Variants in TRIM24 observed in about 807,000 individuals in gnomAD.
TRIM24 encodes tripartite motif containing 24, also known as transcription intermediary factor 1-alpha.
TRIM24 carries 29 observed loss-of-function variants against 123.9 expected under a neutral mutation model. The ratio of observed to expected loss-of-function variants is 0.23; its 90% CI spans 0.17 to 0.32. The LOEUF (loss-of-function observed/expected upper bound fraction) is 0.32. Ranked by LOEUF, TRIM24 falls within the 10% of genes least tolerant of loss-of-function variation. The pLI, the probability that TRIM24 is intolerant of heterozygous loss-of-function variation, is 1.00. For missense variants in TRIM24, 932 were observed against 1,295.3 expected (o/e 0.72, Z 4.31); for synonymous variants, 456 against 461.1 (o/e 0.99, Z 0.14).
intron 8 of TRIM24, among the ~76,000 whole-genome samples, chr7:138,552,423 A>G (rs1356505294): frequency 6.6e-6 from 1 of 152,192 alleles, no homozygotes; most frequent in Non-Finnish European, 1.5e-5. Flanking sequence ...TCTTTATTGT[A>G]CTATTTGCTG....
intron 7 of TRIM24, among the ~76,000 whole-genome samples, chr7:138,544,194 C>G (rs1156939444): frequency 6.6e-6 from 1 of 152,204 alleles, no homozygotes; most frequent in African/African-American, 2.4e-5. Context: ...TCCTACCCAC[C>G]TAGCCCCTAG....
chr7:138,525,438 G>C, intron 5 of TRIM24, 81 bp downstream of exon 5: 1 of 715,992 alleles, frequency 1.4e-6, no homozygotes, highest in East Asian at 3.3e-5. Context: ...TTAAGTCACA[G>C]TTAAGTAATA....
chr7:138,479,966 G>A (rs1795490446), intron 1 of TRIM24, among the ~76,000 whole-genome samples: 1 of 151,782 alleles, frequency 6.6e-6, no homozygotes, highest in African/African-American at 2.4e-5. Context: ...TTACAGACAT[G>A]CGCCAACACC....
At chr7:138,529,425 T>A (rs150460264) in intron 6 of TRIM24, among the ~76,000 whole-genome samples, 195 bp downstream of exon 6, 2 of 152,320 alleles carry the variant, frequency 1.3e-5, no homozygotes, top group East Asian at 3.9e-4. Context: ...GCTATGAATG[T>A]CTGATGACTG....
In TRIM24 at chr7:138,554,659, C is replaced by G. The variant is rs758681919; in HGVS notation, c.1262-39C>G. 1 of 1,579,060 alleles carries G rather than the reference C, an allele frequency of 6.3e-7. No individual in the cohort carries two copies. ...GAAAATGTGATATTTCACCAACTAT[C>G]TGAAAAACTGTTTCCCTTAACCTTT... On this transcript the variant is annotated intron_variant, in intron 8 of 18. Coordinates refer to ENST00000343526, the MANE Select transcript of TRIM24 (RefSeq NM_015905.3). The surrounding 1 kb of genome is among the most constrained non-coding windows in gnomAD (Gnocchi z 4.5).
intron 1 of TRIM24, among the ~76,000 whole-genome samples, chr7:138,490,056 AC>A (rs1455177151): frequency 6.6e-6 from 1 of 150,818 alleles, no homozygotes; most frequent in Non-Finnish European, 1.5e-5. Context: ...ATTTCTTTTT[AC>A]TCTTTTTTCT....
At chr7:138,511,375 A>G (rs1360128368) in intron 2 of TRIM24, among the ~76,000 whole-genome samples, 2 of 149,380 alleles carry the variant, frequency 1.3e-5, no homozygotes, top group East Asian at 2.0e-4. Flanking sequence ...GTCTTGGCTC[A>G]CTGCAACCTC....
intron 7 of TRIM24, among the ~76,000 whole-genome samples, chr7:138,539,092 A>G (rs1008355898): frequency 2.0e-5 from 3 of 152,276 alleles, no homozygotes; most frequent in Non-Finnish European, 4.4e-5. Flanking sequence ...CTGATTATCT[A>G]TAGTGTGCCA....
intron 9 of TRIM24, among the ~76,000 whole-genome samples, chr7:138,563,237 C>T (rs915868626): frequency 6.6e-5 from 10 of 152,182 alleles, no homozygotes; most frequent in East Asian, 5.8e-4. Context: ...CCGATCAGGT[C>T]GGTATCTGGT....
intron 1 of TRIM24, among the ~76,000 whole-genome samples, chr7:138,476,709 G>A (rs185075503): frequency 5.9e-5 from 9 of 152,228 alleles, no homozygotes; most frequent in African/African-American, 2.2e-4. Context: ...CGGTGGGAAT[G>A]CAGAATGCTA....
rs1188131166 is a variant in TRIM24, at chr7:138,466,708, G to GT, written c.364+5797dup. Among the ~76,000 whole-genome samples, 4 of 151,736 alleles carry GT rather than the reference G, an allele frequency of 2.6e-5. No individual in the cohort carries two copies. The East Asian group carries it at 5.8e-4, about 22-fold the overall frequency. ...TTCTTTATATATATTCTATATCTAG[G>GT]TCCTTTGTCAGATACATGTATTGCA... On this transcript the variant is annotated intron_variant, in intron 1 of 18. Coordinates refer to ENST00000343526, the MANE Select transcript of TRIM24 (RefSeq NM_015905.3).
intron 2 of TRIM24, among the ~76,000 whole-genome samples, 199 bp downstream of exon 2, chr7:138,504,607 C>T (rs1421863369): frequency 2.0e-5 from 3 of 151,750 alleles, no homozygotes; most frequent in Non-Finnish European, 2.9e-5. Flanking sequence ...GGACCACAGG[C>T]GTGTCACCAT....
intron 1 of TRIM24, among the ~76,000 whole-genome samples, chr7:138,486,845 T>C (rs1795659231): frequency 6.6e-6 from 1 of 152,196 alleles, no homozygotes; most frequent in South Asian, 2.1e-4. Flanking sequence ...CATATGAACT[T>C]TAAAGTAGTT....
rs781406566 is a variant in TRIM24, at chr7:138,573,534, G to C, written c.1906G>C (p.Asp636His). 1.1e-5 allele frequency: 18 copies of C among 1,611,476 alleles called. No homozygotes were observed. Among genetic ancestry groups the C allele is most frequent in the Non-Finnish European group, 1.4e-5 (16 of 1,178,990 alleles). ...TGACTGTTCAAGTACTATTATGCTG[G>C]ACAATATTGTGAGGAAAGATACTAA... ...DIDCSSTIML[D>H]NIVRKDTNID... Residue 636 changes from aspartate to histidine, a missense_variant, in exon 12 of 19, where the codon GAC (aspartate) becomes CAC (histidine). Asp to His is a moderately conservative substitution (Grantham distance 81). Coordinates refer to ENST00000343526, the MANE Select transcript of TRIM24 (RefSeq NM_015905.3).
At chr7:138,484,063 T>C (rs1795591813) in intron 1 of TRIM24, among the ~76,000 whole-genome samples, 1 of 152,122 alleles carries the variant, frequency 6.6e-6, no homozygotes, top group Non-Finnish European at 1.5e-5. Context: ...TTTTCTAATA[T>C]TCACAGAGGC....
At chr7:138,481,283 G>C (rs1795521568) in intron 1 of TRIM24, among the ~76,000 whole-genome samples, 1 of 151,674 alleles carries the variant, frequency 6.6e-6, no homozygotes, top group Admixed American at 6.6e-5. Context: ...ACTTGATCTT[G>C]TTGTGTTGTC....
At chr7:138,503,090 TCCC>T (rs1796076589) in intron 1 of TRIM24, among the ~76,000 whole-genome samples, 1 of 152,120 alleles carries the variant, frequency 6.6e-6, no homozygotes, top group Non-Finnish European at 1.5e-5. Context: ...GAAAAGTTCA[TCCC>T]TTTTCCCACT....
intron 6 of TRIM24, 68 bp downstream of exon 6, chr7:138,529,298 A>C: frequency 5.0e-6 from 4 of 802,364 alleles, no homozygotes; most frequent in Non-Finnish European, 7.4e-6. Flanking sequence ...GTGAAGTAGA[A>C]ATCATAGTGC....
chr7:138,552,010 T>C (rs190946042), intron 8 of TRIM24, among the ~76,000 whole-genome samples: 1 of 152,306 alleles, frequency 6.6e-6, no homozygotes, highest in East Asian at 1.9e-4. Flanking sequence ...GTTAACTGCA[T>C]CTATGACTTA....
Sources: allele counts gnomAD v4.1 joint callset (sites outside exome capture counted in the v4.1 genomes callset), GRCh38; gene constraint gnomAD v4.1.1; non-coding constraint Gnocchi (gnomAD v3.1); transcripts MANE v1.5; gene names NCBI Gene and HGNC (gene_info 2026-07-23, HGNC 2026-07-21).